Variants in IL1RAP observed in about 807,000 individuals in gnomAD.
The protein encoded by IL1RAP is interleukin-1 receptor accessory protein.
In IL1RAP, 35 loss-of-function variants were observed where a neutral mutation model predicts 60.7. The ratio of observed to expected loss-of-function variants is 0.58; its 90% CI spans 0.44 to 0.76. IL1RAP has a LOEUF of 0.76. IL1RAP is among the 30% of genes least tolerant of loss of function. The probability of loss-of-function intolerance (pLI) is 0.00; values close to 1 mark genes in which losing one functional copy is unlikely to be tolerated. For synonymous variants in IL1RAP, 268 were observed against 250.9 expected (o/e 1.07, Z -0.64); for missense variants, 572 against 693.9 (o/e 0.82, Z 1.97).
At chr3:190,617,443 A>T (rs752980719) in intron 5 of IL1RAP, among the ~76,000 whole-genome samples, 6 of 152,190 alleles carry the variant, frequency 3.9e-5, no homozygotes, top group South Asian at 2.1e-4. Flanking sequence ...CAGCAACCAT[A>T]GCATGGTTGA....
chr3:190,642,541 G>A (rs2108851200), intron 9 of IL1RAP: 1 of 152,308 alleles, frequency 6.6e-6, no homozygotes, highest in African/African-American at 2.4e-5. Flanking sequence ...CTTCTAAGCT[G>A]TGTCTCAGCA....
At chr3:190,522,435 CTATCT>C (rs869251746) in intron 1 of IL1RAP, among the ~76,000 whole-genome samples, 2 of 148,230 alleles carry the variant, frequency 1.3e-5, no homozygotes, top group Non-Finnish European at 3.0e-5. Context: ...ATCTATCTAT[CTATCT>C]ATCTATCTAT....
At position 190,650,069 on chromosome 3, in the gene IL1RAP, A is replaced by G. The variant is rs1261670678; in HGVS notation, c.*1364A>G. On this transcript the variant is annotated 3_prime_UTR_variant, in exon 12 of 12. Coordinates refer to ENST00000447382, the MANE Select transcript of IL1RAP (RefSeq NM_002182.4). ...ATCCACATGCACATGAAATATATAT[A>G]TATATATAATTTGTGTGTGTGTATG... 4 of 630,472 alleles carry G rather than the reference A, an allele frequency of 6.3e-6. No individual in the cohort carries two copies. The African/African-American group carries it at 8.0e-5, about 13-fold the overall frequency. The allele number at this position is 630,472 out of a possible 1,614,324, so 39.1% of individuals were successfully genotyped here. A position where few individuals can be genotyped will look rare whatever the true frequency, so the allele number is the denominator to read the frequency against.
chr3:190,565,816 A>G (rs941912316), intron 3 of IL1RAP, among the ~76,000 whole-genome samples: 3 of 152,134 alleles, frequency 2.0e-5, no homozygotes, highest in African/African-American at 4.8e-5. Context: ...ATTTAGTTCT[A>G]TGTTTGAATG....
At chr3:190,560,993 A>G (rs551120522) in intron 2 of IL1RAP, among the ~76,000 whole-genome samples, 1 of 152,284 alleles carries the variant, frequency 6.6e-6, no homozygotes, top group South Asian at 2.1e-4. Flanking sequence ...TCATGCAGTA[A>G]ATTACACGGA....
At chr3:190,562,602 A>T (rs1025081413) in intron 2 of IL1RAP, among the ~76,000 whole-genome samples, 5 of 151,900 alleles carry the variant, frequency 3.3e-5, no homozygotes, top group African/African-American at 1.2e-4. Context: ...GCAACTTGGA[A>T]ACTCAAAGGA....
At chr3:190,520,657 A>G (rs1364776901) in intron 1 of IL1RAP, 2 of 152,188 alleles carry the variant, frequency 1.3e-5, no homozygotes, top group African/African-American at 4.8e-5. Context: ...TTCTAAAAGC[A>G]TTGAAGAATT....
intron 9 of IL1RAP, 42 bp from the exon 10 acceptor site, chr3:190,644,206 A>G (rs1342281127): frequency 3.1e-6 from 5 of 1,588,078 alleles, no homozygotes; most frequent in Non-Finnish European, 4.3e-6. Context: ...CACTGTGGTC[A>G]CCACACAGAA....
Position 190,540,998 on chromosome 3 carries a change from T to C in IL1RAP, c.-88-15132T>C, listed in dbSNP as rs368942982. Among the ~76,000 whole-genome samples, 10 of 152,238 alleles carry C rather than the reference T, an allele frequency of 6.6e-5. No homozygotes were observed. In the South Asian group the frequency reaches 2.1e-3, roughly 32 times the overall value. Reference sequence around the variant, plus strand: ...ACCTGGTAATTGAGGTGACCATCCATGTTAGCTGATTGGTTTTGGCCAGAG... The same window carrying C: ...ACCTGGTAATTGAGGTGACCATCCACGTTAGCTGATTGGTTTTGGCCAGAG... On this transcript the variant is annotated intron_variant, in intron 1 of 11. Coordinates refer to ENST00000447382, the MANE Select transcript of IL1RAP (RefSeq NM_002182.4).
chr3:190,523,730 G>A (rs940751082), intron 1 of IL1RAP, among the ~76,000 whole-genome samples: 1 of 152,072 alleles, frequency 6.6e-6, no homozygotes, highest in Non-Finnish European at 1.5e-5. Context: ...AGTATTCCAC[G>A]GTGTATATGT....
At position 190,620,437 on chromosome 3, in the gene IL1RAP, G is replaced by A; in HGVS notation, c.700G>A (p.Val234Ile). The A allele has an allele frequency of 6.2e-7, 1 of 1,610,508 alleles. No individual in the cohort carries two copies. The highest frequency in any genetic ancestry group is 8.5e-7 in the Non-Finnish European group (1 of 1,178,756). ...CACCAGGACTCTGACTGTAAAGGTAGTAGGTAAGCATGATTAGTGTCCAGT... is the reference window on the plus strand; with the variant it reads ...CACCAGGACTCTGACTGTAAAGGTAATAGGTAAGCATGATTAGTGTCCAGT... ...HLTRTLTVKVVGSPKNAVPPV... is the reference protein window; with the variant it reads ...HLTRTLTVKVIGSPKNAVPPV... The change falls in exon 6 of 12, where the codon GTA becomes ATA. Residue 234 changes from valine (V) to isoleucine (I), a missense_variant. Coordinates refer to ENST00000447382, the MANE Select transcript of IL1RAP (RefSeq NM_002182.4).
In IL1RAP at chr3:190,609,112, G is replaced by A; in HGVS notation, c.468G>A (p.Gln156=). The A allele has an allele frequency of 2.5e-6, 4 of 1,613,158 alleles. No individual in the cohort carries two copies. Among genetic ancestry groups the A allele is most frequent in the Non-Finnish European group, 3.4e-6 (4 of 1,179,444 alleles). Residue 156 remains glutamine (Q), a synonymous_variant, in exon 5 of 12, where the codon CAG becomes CAA. Coordinates refer to ENST00000447382, the MANE Select transcript of IL1RAP (RefSeq NM_002182.4). ...VHKLYIEYGI[Q]RITCPNVDGY... is the part of the protein sequence containing the mutation. ...AACTGTATATAGAATATGGCATTCA[G>A]AGGATCACTTGTCCAAATGTAGATG...
At chr3:190,527,683 C>CTTT (rs1560140606) in intron 1 of IL1RAP, among the ~76,000 whole-genome samples, 2 of 110,066 alleles carry the variant, frequency 1.8e-5, no homozygotes, top group African/African-American at 8.9e-5. Context: ...TGCTTGTTTA[C>CTTT]ATTTTTTTTT....
chr3:190,591,665 A>G (rs1443768050), intron 3 of IL1RAP, among the ~76,000 whole-genome samples: 1 of 152,210 alleles, frequency 6.6e-6, no homozygotes. Flanking sequence ...GATATTCTTC[A>G]TAGCCCCTAG....
At chr3:190,566,149 AC>A (rs1726375490) in intron 3 of IL1RAP, among the ~76,000 whole-genome samples, 1 of 152,002 alleles carries the variant, frequency 6.6e-6, no homozygotes, top group Non-Finnish European at 1.5e-5. Flanking sequence ...TTGTTCAGGA[AC>A]TTTTGTTTGT....
At position 190,648,316 on chromosome 3, in the gene IL1RAP, C is replaced by G. The variant is rs996056197; in HGVS notation, c.1346-22C>G. 4.5e-6 allele frequency: 7 copies of G among 1,556,302 alleles called. No homozygotes were observed. In the African/African-American group the frequency reaches 8.3e-5, roughly 18 times the overall value. Reference sequence around the variant, plus strand: ...GGGAGTTTTTGGCCAACACTAATCCCCATGGTTGTTTTCTTTCCCAGTTGT... The same window carrying G: ...GGGAGTTTTTGGCCAACACTAATCCGCATGGTTGTTTTCTTTCCCAGTTGT... On this transcript the variant is annotated intron_variant, in intron 11 of 11. Transcript: ENST00000447382.
intron 4 of IL1RAP, among the ~76,000 whole-genome samples, chr3:190,605,977 G>A (rs1414688170): frequency 6.6e-5 from 10 of 152,004 alleles, no homozygotes; most frequent in African/African-American, 2.2e-4. Flanking sequence ...ACTCCCTGAT[G>A]GAAAACTATG....
intron 2 of IL1RAP, 73 bp downstream of exon 2, chr3:190,556,289 T>C (rs1358561113): frequency 6.6e-6 from 1 of 152,106 alleles, no homozygotes; most frequent in Non-Finnish European, 1.5e-5. Flanking sequence ...CTCTACCCCT[T>C]CAGTTTCTTT....
At chr3:190,615,464 T>G in intron 5 of IL1RAP, 1 of 361,208 alleles carries the variant, frequency 2.8e-6, no homozygotes, top group South Asian at 2.3e-5. Flanking sequence ...CCTTATAGTT[T>G]GATATTTAAA....
Sources: gnomAD v4.1 joint callset for allele counts (sites outside exome capture counted in the v4.1 genomes callset) on GRCh38, gnomAD v4.1.1 for gene constraint, MANE v1.5 for transcripts, NCBI Gene and HGNC (gene_info 2026-07-23, HGNC 2026-07-21) for gene names.